Variants in ANGPT1 observed in about 807,000 individuals in gnomAD.
ANGPT1 encodes the protein angiopoietin 1.
Under a neutral mutation model 62.2 loss-of-function variants are expected in ANGPT1, and 17 were observed. That is an observed-to-expected ratio of 0.27 (90% CI 0.19 to 0.41). The LOEUF (loss-of-function observed/expected upper bound fraction) is 0.41, where lower values mean the gene tolerates loss of function less well. ANGPT1 is among the 10% of genes least tolerant of loss of function. ANGPT1 has a pLI of 1.00. For missense variants in ANGPT1, 478 were observed against 594.9 expected (o/e 0.80, Z 2.04); for synonymous variants, 199 against 198.9 (o/e 1.00, Z 0.00).
chr8:107,289,359 CTTTA>C (rs1814219157), intron 6 of ANGPT1, among the ~76,000 whole-genome samples: 1 of 152,186 alleles, frequency 6.6e-6, no homozygotes, highest in Admixed American at 6.5e-5. Context: ...GTCTCTGATA[CTTTA>C]TTTGTTTTGT....
chr8:107,404,800 C>T (rs1477917172), intron 1 of ANGPT1, among the ~76,000 whole-genome samples: 2 of 152,054 alleles, frequency 1.3e-5, no homozygotes, highest in South Asian at 2.1e-4. Flanking sequence ...GTACCAATTA[C>T]ACACTCCAGG....
chr8:107,400,927 C>A (rs149106395), intron 1 of ANGPT1, among the ~76,000 whole-genome samples: 3 of 152,012 alleles, frequency 2.0e-5, no homozygotes, highest in African/African-American at 7.2e-5. Flanking sequence ...AATGGCTTAT[C>A]GGCTTATCTT....
intron 1 of ANGPT1, among the ~76,000 whole-genome samples, chr8:107,371,562 T>G (rs1816412115): frequency 1.4e-5 from 2 of 142,868 alleles, no homozygotes; most frequent in African/African-American, 5.1e-5. Flanking sequence ...TCTCTCTTGG[T>G]GCTGAGCATT....
intron 7 of ANGPT1, among the ~76,000 whole-genome samples, chr8:107,268,780 AAAGCAG>A (rs1318818024): frequency 2.4e-4 from 36 of 152,192 alleles, no homozygotes; most frequent in Admixed American, 7.2e-4. Context: ...ATTAAAACAT[AAAGCAG>A]AAGTAGAGAG....
In ANGPT1 at chr8:107,403,212, C is replaced by T. The variant is rs78453555; in HGVS notation, c.298-56115G>A. On this transcript the variant is annotated intron_variant, in intron 1 of 8. Transcript: ENST00000517746. ...GGTCACAAGACAGCTCCTGTAGCTC[C>T]GGGCATCACATCTTACACAAAGACA... Among the ~76,000 whole-genome samples the T allele has an allele frequency of 1.6e-4, 24 of 152,154 alleles. No homozygotes were observed. The East Asian group carries it at 3.9e-3, about 24-fold the overall frequency.
chr8:107,490,080 G>A (rs1350203258), intron 1 of ANGPT1, among the ~76,000 whole-genome samples: 6 of 152,178 alleles, frequency 3.9e-5, no homozygotes, highest in Non-Finnish European at 8.8e-5. Context: ...ATAAAACTCT[G>A]TGTTTTGTAG....
intron 5 of ANGPT1, chr8:107,294,398 G>T: frequency 6.3e-6 from 1 of 158,550 alleles, no homozygotes; most frequent in Non-Finnish European, 1.4e-5. Flanking sequence ...CAAAGTTACA[G>T]ACCATTTGAT....
chr8:107,427,225 G>C (rs1811063659), intron 1 of ANGPT1, among the ~76,000 whole-genome samples: 1 of 152,164 alleles, frequency 6.6e-6, no homozygotes, highest in Non-Finnish European at 1.5e-5. Flanking sequence ...ACATATTTGT[G>C]TGTGTTCTGG....
intron 1 of ANGPT1, 133 bp from the exon 2 acceptor site, chr8:107,347,230 G>A (rs1427060342): frequency 2.4e-6 from 2 of 830,400 alleles, no homozygotes; most frequent in Admixed American, 2.7e-5. Flanking sequence ...TACATCTCTG[G>A]GAGTTGGAGA....
At chr8:107,418,125 T>A (rs1810799475) in intron 1 of ANGPT1, among the ~76,000 whole-genome samples, 1 of 152,166 alleles carries the variant, frequency 6.6e-6, no homozygotes, top group African/African-American at 2.4e-5. Context: ...ATAAACCAGA[T>A]ATTTGTTTCT....
chr8:107,452,197 G>T (rs115516447), intron 1 of ANGPT1, among the ~76,000 whole-genome samples: 1 of 151,026 alleles, frequency 6.6e-6, no homozygotes, highest in African/African-American at 2.4e-5. Flanking sequence ...TTCTACTACC[G>T]TCCATACAGA....
intron 3 of ANGPT1, among the ~76,000 whole-genome samples, chr8:107,332,037 A>G (rs955065935): frequency 6.6e-6 from 1 of 152,194 alleles, no homozygotes; most frequent in Admixed American, 6.5e-5. Context: ...CCAGTTGACC[A>G]AACCTTTCGA....
intron 1 of ANGPT1, among the ~76,000 whole-genome samples, chr8:107,428,370 C>T (rs1357190029): frequency 1.3e-5 from 2 of 152,156 alleles, no homozygotes; most frequent in South Asian, 2.1e-4. Flanking sequence ...CTATGGGAGA[C>T]AAGACTGACC....
At chr8:107,364,881 A>C (rs1472414222) in intron 1 of ANGPT1, among the ~76,000 whole-genome samples, 1 of 152,234 alleles carries the variant, frequency 6.6e-6, no homozygotes, top group African/African-American at 2.4e-5. Context: ...GAGAGACTGC[A>C]GTGAACGCAG....
chr8:107,255,311 C>T (rs1201002513), intron 8 of ANGPT1, among the ~76,000 whole-genome samples: 2 of 152,028 alleles, frequency 1.3e-5, no homozygotes, highest in Admixed American at 6.6e-5. Flanking sequence ...CTCTGGAAGA[C>T]CAGGGGAGAG....
chr8:107,489,332 A>G lies in ANGPT1; in HGVS notation c.297+7930T>C, dbSNP rs551255610. ...ATTTGCATGTTTTTTCAAGAGTTCAACACAAACTTAGGAAACACATTCCTA... is the reference window on the plus strand; with the variant it reads ...ATTTGCATGTTTTTTCAAGAGTTCAGCACAAACTTAGGAAACACATTCCTA... On this transcript the variant is annotated intron_variant, in intron 1 of 8. Transcript: ENST00000517746. 2.0e-5 allele frequency among the ~76,000 whole-genome samples: 3 copies of G among 152,288 alleles called. No homozygotes were observed. In the South Asian group the frequency reaches 6.2e-4, roughly 32 times the overall value.
intron 1 of ANGPT1, among the ~76,000 whole-genome samples, chr8:107,474,457 G>A (rs1184106290): frequency 6.6e-6 from 1 of 152,058 alleles, no homozygotes; most frequent in Non-Finnish European, 1.5e-5. Flanking sequence ...AGCTATTTAT[G>A]ACAAACCCAC....
chr8:107,474,682 AC>A (rs1812463252), intron 1 of ANGPT1, among the ~76,000 whole-genome samples: 1 of 152,030 alleles, frequency 6.6e-6, no homozygotes, highest in Non-Finnish European at 1.5e-5. Flanking sequence ...TATCTAGAAA[AC>A]CCCATTGTCT....
At position 107,402,676 on chromosome 8, in the gene ANGPT1, T is replaced by A. The variant is rs545737762; in HGVS notation, c.298-55579A>T. 3.3e-5 allele frequency among the ~76,000 whole-genome samples: 5 copies of A among 152,242 alleles called. No homozygotes were observed. The South Asian group carries it at 1.0e-3, about 32-fold the overall frequency. ...TCACTGCCTTAAGCAGACCAAGTAG[T>A]AAGAGTGGGCAGAAACCTAATTGAT... On this transcript the variant is annotated intron_variant, in intron 1 of 8. Transcript: ENST00000517746.
Sources: gnomAD v4.1 joint callset for allele counts (sites outside exome capture counted in the v4.1 genomes callset) on GRCh38, gnomAD v4.1.1 for gene constraint, MANE v1.5 for transcripts, NCBI Gene and HGNC (gene_info 2026-07-23, HGNC 2026-07-21) for gene names.